The following SGCD variants were observed in gnomAD, a reference collection of about 807,000 sequenced individuals.
The protein encoded by SGCD is delta-sarcoglycan.
In SGCD, 18 loss-of-function variants were observed where a neutral mutation model predicts 36.6. The observed-to-expected ratio is 0.49, with a 90% CI of 0.34 to 0.73. SGCD has a LOEUF of 0.73. Ranked by LOEUF, SGCD falls within the 30% of genes least tolerant of loss-of-function variation. The pLI is 0.01. For missense variants in SGCD, 387 were observed against 346.7 expected, an observed-to-expected ratio of 1.12 and a Z score of -0.92; for synonymous variants, 133 against 130.6, an observed-to-expected ratio of 1.02 and a Z score of -0.12.
At chr5:156,076,939 A>G (rs1413528487) in intron 1 of SGCD, among the ~76,000 whole-genome samples, 1 of 152,168 alleles carries the variant, frequency 6.6e-6, no homozygotes, top group East Asian at 1.9e-4. Flanking sequence ...CCATGGCCTT[A>G]AGATTGGGCC....
At chr5:156,010,937 A>G (rs1470092655) in intron 1 of SGCD, among the ~76,000 whole-genome samples, 3 of 152,274 alleles carry the variant, frequency 2.0e-5, no homozygotes, top group South Asian at 4.1e-4. Flanking sequence ...TTTATAGCTC[A>G]TTCACATAAC....
chr5:155,886,520 G>T (rs1756007891), intron 1 of SGCD, among the ~76,000 whole-genome samples: 1 of 149,932 alleles, frequency 6.7e-6, no homozygotes, highest in South Asian at 2.1e-4. Context: ...GCGTGTGTGT[G>T]TGCGTGGGCG....
At chr5:155,950,092 A>G (rs936829651) in intron 1 of SGCD, among the ~76,000 whole-genome samples, 18 of 152,340 alleles carry the variant, frequency 1.2e-4, no homozygotes, top group African/African-American at 4.3e-4. Flanking sequence ...GGATGTTTGC[A>G]AAAAGAGAAT....
intron 1 of SGCD, among the ~76,000 whole-genome samples, chr5:156,041,418 G>A (rs1032494302): frequency 1.3e-5 from 2 of 152,164 alleles, no homozygotes; most frequent in Non-Finnish European, 2.9e-5. Context: ...CGATACTTCC[G>A]AAAGGCAGAC....
At chr5:155,989,335 T>C (rs1445060765) in intron 1 of SGCD, among the ~76,000 whole-genome samples, 1 of 152,200 alleles carries the variant, frequency 6.6e-6, no homozygotes, top group East Asian at 1.9e-4. Context: ...TTGATATACT[T>C]TTCATGAGTT....
intron 7 of SGCD, among the ~76,000 whole-genome samples, chr5:156,710,614 T>C (rs886316232): frequency 6.6e-6 from 1 of 152,156 alleles, no homozygotes; most frequent in Non-Finnish European, 1.5e-5. Context: ...GCAGGACAAC[T>C]CAAAGCAGGT....
the SGCD span, among the ~76,000 whole-genome samples, chr5:155,787,577 T>C: frequency 6.6e-6 from 1 of 152,108 alleles, no homozygotes; most frequent in Non-Finnish European, 1.5e-5. Context: ...CAGGATAGTA[T>C]TTGGTCTTTG....
chr5:155,748,750 G>C, the SGCD span, among the ~76,000 whole-genome samples: 6 of 152,282 alleles, frequency 3.9e-5, no homozygotes, highest in Non-Finnish European at 8.8e-5. Flanking sequence ...TGAAGATCAA[G>C]AGGCACATGT....
intron 2 of SGCD, among the ~76,000 whole-genome samples, chr5:156,120,632 T>C (rs567460267): frequency 6.6e-6 from 1 of 152,298 alleles, no homozygotes; most frequent in African/African-American, 2.4e-5. Flanking sequence ...GGATTGTAAG[T>C]ACCTTTTCTC....
intron 7 of SGCD, among the ~76,000 whole-genome samples, chr5:156,663,006 T>C (rs568872847): frequency 0.024 from 3,592 of 150,292 alleles, 288 homozygotes; most frequent in African/African-American, 0.085. Flanking sequence ...TCTTGATTTA[T>C]TTTAGCCTCA....
At chr5:156,438,194 G>A (rs1313306425) in intron 3 of SGCD, among the ~76,000 whole-genome samples, 2 of 152,162 alleles carry the variant, frequency 1.3e-5, no homozygotes, top group Admixed American at 6.6e-5. Context: ...TAGTGTTCAG[G>A]ACAAGCTGTG....
intron 3 of SGCD, among the ~76,000 whole-genome samples, chr5:156,479,423 T>G (rs1229016605): frequency 6.6e-6 from 1 of 152,184 alleles, no homozygotes; most frequent in African/African-American, 2.4e-5. Context: ...TCAAAGATAT[T>G]TAACTGGAGC....
intron 3 of SGCD, among the ~76,000 whole-genome samples, chr5:156,479,936 AC>A (rs1755349920): frequency 6.6e-6 from 1 of 152,162 alleles, no homozygotes; most frequent in South Asian, 2.1e-4. Context: ...ACAATTTCAA[AC>A]CAAAGCAGAC....
intron 1 of SGCD, among the ~76,000 whole-genome samples, chr5:156,091,083 A>T (rs1165647000): frequency 2.0e-5 from 3 of 152,224 alleles, no homozygotes; most frequent in Non-Finnish European, 4.4e-5. Flanking sequence ...GGTGACATAC[A>T]TCCTCAGCTT....
At position 156,602,746 on chromosome 5, in the gene SGCD, T is replaced by C. The variant is rs1008016627; in HGVS notation, c.502+7695T>C. ...CCATTAACGTAGTATATCACACTTA[T>C]GGATTTGCTGATGGTAAACCATCCT... On this transcript the variant is annotated intron_variant, in intron 6 of 8. Transcript: ENST00000337851. Among the ~76,000 whole-genome samples the C allele has an allele frequency of 3.3e-5, 5 of 152,232 alleles. No individual in the cohort carries two copies. The East Asian group carries it at 5.8e-4, about 18-fold the overall frequency.
chr5:156,443,173 C>A (rs1341148300), intron 3 of SGCD, among the ~76,000 whole-genome samples: 1 of 152,042 alleles, frequency 6.6e-6, no homozygotes, highest in Non-Finnish European at 1.5e-5. Flanking sequence ...TCAGTAGAGA[C>A]AGGGTTTCAC....
chr5:155,994,416 C>T (rs1464468763), intron 1 of SGCD, among the ~76,000 whole-genome samples: 1 of 152,188 alleles, frequency 6.6e-6, no homozygotes, highest in Non-Finnish European at 1.5e-5. Flanking sequence ...ATTTATATTT[C>T]ACCTCTCCTA....
At chr5:155,937,714 G>A (rs1036541418) in intron 1 of SGCD, among the ~76,000 whole-genome samples, 1 of 152,188 alleles carries the variant, frequency 6.6e-6, no homozygotes, top group African/African-American at 2.4e-5. Flanking sequence ...ATTAAGTGGG[G>A]GAAGATGGGC....
At chr5:156,665,126 C>G (rs1764093981) in intron 7 of SGCD, among the ~76,000 whole-genome samples, 1 of 152,068 alleles carries the variant, frequency 6.6e-6, no homozygotes, top group South Asian at 2.1e-4. Context: ...TACTGAAGTT[C>G]AGCCGGCGGC....
Sources: allele counts gnomAD v4.1 joint callset (sites outside exome capture counted in the v4.1 genomes callset), GRCh38; gene constraint gnomAD v4.1.1; transcripts MANE v1.5; gene names NCBI Gene and HGNC (gene_info 2026-07-23, HGNC 2026-07-21).